Variants in WDR93 observed in about 807,000 individuals in gnomAD.
The protein encoded by WDR93 is WD repeat domain 93.
A neutral mutation model predicts 82.9 loss-of-function variants in WDR93; 73 were observed. The observed-to-expected ratio is 0.88, with a 90% CI of 0.73 to 1.07. WDR93 has a LOEUF of 1.07. Ranked by LOEUF, WDR93 falls within the 50% of genes least tolerant of loss-of-function variation. WDR93 has a pLI of 0.00. For missense variants in WDR93, 738 were observed against 826.0 expected (o/e 0.89, Z 1.31); for synonymous variants, 283 against 300.1 (o/e 0.94, Z 0.59).
chr15:89,738,258 C>T, intron 16 of WDR93, 22 bp downstream of exon 16: 1 of 1,561,262 alleles, frequency 6.4e-7, no homozygotes, highest in Non-Finnish European at 8.7e-7. Flanking sequence ...TGTGTCTTCA[C>T]CCCCTCCCAC....
intron 1 of WDR93, among the ~76,000 whole-genome samples, chr15:89,694,187 C>T (rs1221083394): frequency 6.7e-6 from 1 of 150,050 alleles, no homozygotes; most frequent in Non-Finnish European, 1.5e-5. Context: ...ATCTGTATAT[C>T]TTCTTTGGTT....
intron 4 of WDR93, among the ~76,000 whole-genome samples, chr15:89,711,485 G>A (rs1488372633): frequency 9.0e-5 from 13 of 144,090 alleles, no homozygotes; most frequent in Admixed American, 1.4e-4. Context: ...AACAAAGTGA[G>A]ATTCCGTCTC....
In WDR93 at chr15:89,743,322, G is replaced by A. The variant is rs371086631; in HGVS notation, c.1992G>A (p.Lys664=). The A allele has an allele frequency of 6.2e-7, 1 of 1,614,210 alleles. No individual in the cohort carries two copies. The highest frequency in any genetic ancestry group is 8.5e-7 in the Non-Finnish European group (1 of 1,180,042). Residue 664 remains lysine (K), a synonymous_variant, in exon 17 of 17, where the codon AAG becomes AAA. Coordinates refer to ENST00000268130, the MANE Select transcript of WDR93 (RefSeq NM_020212.2). The part of the protein sequence containing the change: ...SYRKLEKNPE[K]EEEHWARLQR... ...GGAAGCTGGAGAAGAACCCAGAGAA[G>A]GAGGAGGAGCACTGGGCCCGGCTTC...
At chr15:89,733,335 C>G (rs1966904993) in intron 13 of WDR93, 116 bp downstream of exon 13, 1 of 957,218 alleles carries the variant, frequency 1.0e-6, no homozygotes, top group Non-Finnish European at 1.5e-6. Context: ...ATAGTCATCA[C>G]TCTCCTGGTG....
rs151227692 is a variant in WDR93 at position 89,701,974 on chromosome 15, A to C, written c.228A>C (p.Glu76Asp). ...TTGACCAGTCTTGGGAAATTATTGAAGAGAGAAACGCACTGAGGGAAGCTG... is the reference window on the plus strand; with the variant it reads ...TTGACCAGTCTTGGGAAATTATTGACGAGAGAAACGCACTGAGGGAAGCTG... ...LLFDQSWEII[E>D]ERNALREAES... Residue 76 changes from glutamate to aspartate, a missense_variant, in exon 2 of 17, where the codon GAA becomes GAC. Transcript: ENST00000268130. 7.6e-5 allele frequency: 123 copies of C among 1,613,804 alleles called. No individual in the cohort carries two copies. The East Asian group carries it at 2.7e-3, about 36-fold the overall frequency.
At position 89,718,980 on chromosome 15, in the gene WDR93, C is replaced by G. The variant is rs185628169; in HGVS notation, c.795+2031C>G. Reference sequence around the variant, plus strand: ...CATCTTACGTTTATTTTGAAAAATACAGTTTTGTTTCATGGAATTTTTTTT... The same window carrying G: ...CATCTTACGTTTATTTTGAAAAATAGAGTTTTGTTTCATGGAATTTTTTTT... On this transcript the variant is annotated intron_variant, in intron 7 of 16. Coordinates refer to ENST00000268130, the MANE Select transcript of WDR93 (RefSeq NM_020212.2). 3.9e-5 allele frequency among the ~76,000 whole-genome samples: 6 copies of G among 152,274 alleles called. No homozygotes were observed. The East Asian group carries it at 1.2e-3, about 29-fold the overall frequency.
chr15:89,708,990 A>G (rs1435455722), intron 4 of WDR93, among the ~76,000 whole-genome samples: 4 of 152,232 alleles, frequency 2.6e-5, no homozygotes, highest in Non-Finnish European at 4.4e-5. Flanking sequence ...GTGCACCACT[A>G]TTGTGGCTGT....
rs1314680658 is a variant in WDR93 at position 89,732,998 on chromosome 15, T to G, written c.1331-8T>G. Reference sequence around the variant, plus strand: ...TTTCTGACCGGCTTGTGTGATTACTTTCTCTAGGATTCCCTCTTGGGGTCG... The same window carrying G: ...TTTCTGACCGGCTTGTGTGATTACTGTCTCTAGGATTCCCTCTTGGGGTCG... On this transcript the variant is annotated splice_polypyrimidine_tract_variant and splice_region_variant and intron_variant, in intron 12 of 16. Transcript: ENST00000268130. 1 of 1,613,734 alleles carries G rather than the reference T, an allele frequency of 6.2e-7. No individual in the cohort carries two copies. The highest frequency in any genetic ancestry group is 8.5e-7 in the Non-Finnish European group (1 of 1,179,758).
Position 89,703,148 on chromosome 15 carries a change from G to A in WDR93, c.496+6G>A, listed in dbSNP as rs745526720. The A allele has an allele frequency of 4.3e-6, 7 of 1,613,840 alleles. No homozygotes were observed. Among genetic ancestry groups the A allele is most frequent in the African/African-American group, 1.3e-5 (1 of 74,912 alleles). The stretch of plus-strand genomic sequence containing the variant: ...TGCTCCTGTGGATGAAATGGGTATT[G>A]TTCTTCATCTTCCTTTTTAGCCTCA... On this transcript the variant is annotated splice_donor_region_variant and intron_variant, in intron 3 of 16. Transcript: ENST00000268130.
rs1315486704 is a variant in WDR93, at chr15:89,702,003, G to A, written c.257G>A (p.Ser86Asn). 3 of 1,612,748 alleles carry A rather than the reference G, an allele frequency of 1.9e-6. No individual in the cohort carries two copies. Among genetic ancestry groups the A allele is most frequent in the Non-Finnish European group, 1.7e-6 (2 of 1,179,960 alleles). Residue 86 changes from serine (S) to asparagine (N), a missense_variant, in exon 2 of 17, where the codon AGC (serine) becomes AAC (asparagine). By Grantham distance (46) the Ser-to-Asn change is conservative. Coordinates refer to ENST00000268130, the MANE Select transcript of WDR93 (RefSeq NM_020212.2). ...AGAAACGCACTGAGGGAAGCTGAGA[G>A]CAGCCAGATCCAGCCCACCGTCTAC... ...EERNALREAE[S>N]SQIQPTVYPP...
At chr15:89,723,519 G>A (rs1349404680) in intron 8 of WDR93, among the ~76,000 whole-genome samples, 1 of 151,874 alleles carries the variant, frequency 6.6e-6, no homozygotes, top group East Asian at 1.9e-4. Context: ...AGAATGTGGT[G>A]GTCAGACTTG....
chr15:89,709,542 T>C (rs907985667), intron 4 of WDR93, among the ~76,000 whole-genome samples: 1 of 151,642 alleles, frequency 6.6e-6, no homozygotes. Context: ...CTTCAAAGTA[T>C]TTGTATCCAG....
chr15:89,728,135 A>G (rs948352179), intron 9 of WDR93, among the ~76,000 whole-genome samples: 12 of 152,186 alleles, frequency 7.9e-5, no homozygotes, highest in African/African-American at 2.9e-4. Flanking sequence ...AGACAAATAA[A>G]GTCACCACTA....
rs564950790 is a variant in WDR93 at position 89,713,066 on chromosome 15, T to G, written c.640+962T>G. ...TTGAACCTGGGAGGCGGAGTTGCAG[T>G]GAGCCGAGATCGTGCCATTGCACTC... On this transcript the variant is annotated intron_variant, in intron 5 of 16. Coordinates refer to ENST00000268130, the MANE Select transcript of WDR93 (RefSeq NM_020212.2). 5.6e-3 allele frequency among the ~76,000 whole-genome samples: 810 copies of G among 143,846 alleles called. 8 individuals are homozygous for G. Among genetic ancestry groups the G allele is most frequent in the African/African-American group, 0.019 (716 of 38,404 alleles). The allele number at this position is 143,846 out of a possible 152,430, so 94.4% of individuals were successfully genotyped here.
Position 89,718,575 on chromosome 15 carries a change from C to T in WDR93, c.795+1626C>T, listed in dbSNP as rs138406080. On this transcript the variant is annotated intron_variant, in intron 7 of 16. Transcript: ENST00000268130. The stretch of plus-strand genomic sequence containing the variant: ...CCCTGGAGTGGAGGCTGCAGTGAGT[C>T]GAGATTACACCACTGTACTCTAGCC... 2.6e-3 allele frequency among the ~76,000 whole-genome samples: 401 copies of T among 152,020 alleles called. 4 individuals are homozygous for T. The highest frequency in any genetic ancestry group is 0.01 in the Middle Eastern group (3 of 294).
At chr15:89,695,647 G>C (rs550576131) in intron 1 of WDR93, among the ~76,000 whole-genome samples, 1 of 152,080 alleles carries the variant, frequency 6.6e-6, no homozygotes, top group Non-Finnish European at 1.5e-5. Flanking sequence ...TATTGAACTT[G>C]TATCTTACCA....
intron 12 of WDR93, 118 bp downstream of exon 12, chr15:89,731,680 C>T (rs1030755290): frequency 7.3e-6 from 10 of 1,369,834 alleles, no homozygotes; most frequent in Non-Finnish European, 1.0e-5. Flanking sequence ...CTTAAAGTCA[C>T]CTTGGGGAAC....
chr15:89,739,051 G>A (rs1269985634), intron 16 of WDR93, among the ~76,000 whole-genome samples: 1 of 151,706 alleles, frequency 6.6e-6, no homozygotes, highest in Non-Finnish European at 1.5e-5. Flanking sequence ...GGGAGGCAGA[G>A]GATGCAGTGA....
At chr15:89,731,988 T>C (rs1409809286) in intron 12 of WDR93, among the ~76,000 whole-genome samples, 1 of 152,194 alleles carries the variant, frequency 6.6e-6, no homozygotes. Context: ...AACTCTATTG[T>C]ATTAGAGCTA....
Sources: allele counts gnomAD v4.1 joint callset (sites outside exome capture counted in the v4.1 genomes callset), GRCh38; gene constraint gnomAD v4.1.1; transcripts MANE v1.5; gene names NCBI Gene and HGNC (gene_info 2026-07-23, HGNC 2026-07-21).